Variants in RBMS1 observed in about 807,000 individuals in gnomAD.
RBMS1 encodes RNA-binding motif, single-stranded-interacting protein 1.
In RBMS1, 17 loss-of-function variants were observed where a neutral mutation model predicts 62.3. That is an observed-to-expected ratio of 0.27 (90% CI 0.19 to 0.41). The LOEUF (loss-of-function observed/expected upper bound fraction) is 0.41, where lower values mean the gene tolerates loss of function less well. Among genes scored for constraint, RBMS1 ranks in the 10% least tolerant of loss-of-function variants. The pLI is 1.00. For missense variants in RBMS1, 334 were observed against 504.5 expected, an observed-to-expected ratio of 0.66 and a Z score of 3.24; for synonymous variants, 172 against 170.0, an observed-to-expected ratio of 1.01 and a Z score of -0.09.
intron 2 of RBMS1, among the ~76,000 whole-genome samples, chr2:160,327,079 T>C (rs567636420): frequency 5.3e-5 from 8 of 152,364 alleles, no homozygotes; most frequent in East Asian, 1.9e-4. Flanking sequence ...CCTTACAGCA[T>C]GTGAGCTGAT....
chr2:160,407,410 CT>C, intron 1 of RBMS1: 3 of 985,884 alleles, frequency 3.0e-6, no homozygotes, highest in Non-Finnish European at 3.6e-6. Flanking sequence ...GCGCGGCCCC[CT>C]TTGTAACGCG....
chr2:160,392,709 T>C (rs980745627), intron 1 of RBMS1, among the ~76,000 whole-genome samples: 2 of 152,138 alleles, frequency 1.3e-5, no homozygotes, highest in African/African-American at 4.8e-5. Flanking sequence ...CTGGGCAACA[T>C]AGTGAGATCT....
chr2:160,385,082 C>T (rs925493643), intron 1 of RBMS1, among the ~76,000 whole-genome samples: 2 of 152,158 alleles, frequency 1.3e-5, no homozygotes, highest in African/African-American at 2.4e-5. Flanking sequence ...TGACTTGAAG[C>T]CAAGCAGATG....
At chr2:160,284,388 C>T (rs1688256990) in intron 9 of RBMS1, 1 of 207,890 alleles carries the variant, frequency 4.8e-6, no homozygotes, top group South Asian at 8.2e-5. Flanking sequence ...GTTCTTTTAT[C>T]AGTTCCTGCT....
At chr2:160,403,024 T>C (rs1695515966) in intron 1 of RBMS1, among the ~76,000 whole-genome samples, 1 of 152,140 alleles carries the variant, frequency 6.6e-6, no homozygotes, top group African/African-American at 2.4e-5. Flanking sequence ...AGTAAAAAAC[T>C]AGAAGTATGT....
chr2:160,281,271 AACTT>A, intron 10 of RBMS1, 39 bp downstream of exon 10: 1 of 1,511,652 alleles, frequency 6.6e-7, no homozygotes, highest in East Asian at 2.3e-5. Flanking sequence ...ATATACACAT[AACTT>A]ACTTGTAAAA....
At chr2:160,393,529 G>C (rs1694970386) in intron 1 of RBMS1, among the ~76,000 whole-genome samples, 1 of 152,112 alleles carries the variant, frequency 6.6e-6, no homozygotes, top group African/African-American at 2.4e-5. Flanking sequence ...TGTAATCCTA[G>C]CAACTTTGGG....
At chr2:160,306,222 T>C (rs1022119209) in intron 4 of RBMS1, among the ~76,000 whole-genome samples, 1 of 151,444 alleles carries the variant, frequency 6.6e-6, no homozygotes. Context: ...GAATTTGTTA[T>C]GTATGAAGAA....
chr2:160,337,107 ATTTTCTTTTCGT>A (rs1691614682), intron 2 of RBMS1, among the ~76,000 whole-genome samples: 1 of 143,394 alleles, frequency 7.0e-6, no homozygotes, highest in Non-Finnish European at 1.5e-5. Context: ...TCCCAGAAGC[ATTTTCTTTTCGT>A]TTTTCTTTTT....
intron 1 of RBMS1, chr2:160,408,530 A>G (rs1574021713): frequency 6.6e-6 from 1 of 152,352 alleles, no homozygotes; most frequent in Admixed American, 6.5e-5. Flanking sequence ...CAAGATGATA[A>G]TATCAAGGAG....
chr2:160,304,891 CTGTGCCAGGATGG>C (rs1689416805), intron 4 of RBMS1, among the ~76,000 whole-genome samples: 1 of 152,150 alleles, frequency 6.6e-6, no homozygotes, highest in African/African-American at 2.4e-5. Context: ...GAGTCTTGCT[CTGTGCCAGGATGG>C]AGTGCAGTGG....
intron 1 of RBMS1, among the ~76,000 whole-genome samples, chr2:160,417,566 C>G (rs753280402): frequency 6.6e-6 from 1 of 152,094 alleles, no homozygotes; most frequent in South Asian, 2.1e-4. Context: ...TCTAAGATAC[C>G]ACTGATTGTG....
chr2:160,478,626 T>C (rs1685236369), intron 1 of RBMS1, among the ~76,000 whole-genome samples: 1 of 152,308 alleles, frequency 6.6e-6, no homozygotes, highest in Non-Finnish European at 1.5e-5. Context: ...TTTTGTAAAT[T>C]GTGGAAAAAT....
intron 1 of RBMS1, among the ~76,000 whole-genome samples, chr2:160,413,581 CTAGAAGGTA>C (rs1696108754): frequency 6.6e-6 from 1 of 152,012 alleles, no homozygotes; most frequent in South Asian, 2.1e-4. Flanking sequence ...AGCTATAATC[CTAGAAGGTA>C]TAGAGAACAA....
chr2:160,412,593 G>A (rs567957238), intron 1 of RBMS1, among the ~76,000 whole-genome samples: 19 of 152,278 alleles, frequency 1.2e-4, no homozygotes, highest in African/African-American at 4.3e-4. Context: ...ACCATAGAGC[G>A]CCCAAATTGC....
At chr2:160,435,231 T>C (rs1278765375) in intron 1 of RBMS1, among the ~76,000 whole-genome samples, 1 of 152,218 alleles carries the variant, frequency 6.6e-6, no homozygotes, top group Non-Finnish European at 1.5e-5. Context: ...GGGGGACATA[T>C]AAATATTTAA....
chr2:160,321,182 T>C (rs1381090539), intron 2 of RBMS1, among the ~76,000 whole-genome samples: 1 of 152,094 alleles, frequency 6.6e-6, no homozygotes, highest in African/African-American at 2.4e-5. Context: ...AAAGGCTCAG[T>C]AGTGCTGAAT....
At chr2:160,346,656 TTC>T (rs1692194128) in intron 2 of RBMS1, among the ~76,000 whole-genome samples, 1 of 152,128 alleles carries the variant, frequency 6.6e-6, no homozygotes, top group Non-Finnish European at 1.5e-5. Context: ...TACATATTAA[TTC>T]TCTCAATGAT....
intron 1 of RBMS1, among the ~76,000 whole-genome samples, chr2:160,427,320 C>CAT (rs1313093556): frequency 2.0e-5 from 3 of 152,016 alleles, no homozygotes; most frequent in African/African-American, 7.2e-5. Flanking sequence ...CTGTACCTCC[C>CAT]ATATATATAC....
Sources: gnomAD v4.1 joint callset for allele counts (sites outside exome capture counted in the v4.1 genomes callset) on GRCh38, gnomAD v4.1.1 for gene constraint, MANE v1.5 for transcripts, NCBI Gene and HGNC (gene_info 2026-07-23, HGNC 2026-07-21) for gene names.